The following SLIT2 variants were observed in gnomAD, a reference collection of about 807,000 sequenced individuals.
SLIT2 encodes slit homolog 2 protein.
Under a neutral mutation model 185.7 loss-of-function variants are expected in SLIT2, and 41 were observed. The observed-to-expected ratio is 0.22, with a 90% CI of 0.17 to 0.29. The LOEUF is 0.29. SLIT2 is among the 10% of genes least tolerant of loss of function. SLIT2 has a pLI of 1.00. For synonymous variants in SLIT2, 693 were observed against 680.2 expected (o/e 1.02, Z -0.29); for missense variants, 1,571 against 1,909.0 (o/e 0.82, Z 3.30).
At chr4:20,501,577 C>A (rs1718743137) in intron 9 of SLIT2, among the ~76,000 whole-genome samples, 2 of 152,194 alleles carry the variant, frequency 1.3e-5, no homozygotes, top group Non-Finnish European at 2.9e-5. Flanking sequence ...ACTCACCACA[C>A]CCGGCAGATT....
intron 4 of SLIT2, chr4:20,394,650 A>T (rs534771032): frequency 6.6e-6 from 1 of 152,058 alleles, no homozygotes; most frequent in Admixed American, 6.6e-5. Flanking sequence ...GATTGAATCA[A>T]TTGGAAGCCA....
chr4:20,507,489 A>G (rs1719319864), intron 9 of SLIT2, among the ~76,000 whole-genome samples: 1 of 151,956 alleles, frequency 6.6e-6, no homozygotes, highest in South Asian at 2.1e-4. Flanking sequence ...TGAATATAGC[A>G]TTTAAAAATA....
chr4:20,611,431 T>C (rs1176211394), intron 34 of SLIT2, among the ~76,000 whole-genome samples: 2 of 152,180 alleles, frequency 1.3e-5, no homozygotes, highest in African/African-American at 2.4e-5. Flanking sequence ...ACATAAAGGA[T>C]ATAAAGTTGA....
chr4:20,507,111 T>C (rs1719279319), intron 9 of SLIT2, among the ~76,000 whole-genome samples: 1 of 152,000 alleles, frequency 6.6e-6, no homozygotes, highest in Non-Finnish European at 1.5e-5. Context: ...GCAGCATGAC[T>C]CAAGTGTGTC....
chr4:20,535,516 G>C (rs573344138), intron 18 of SLIT2, among the ~76,000 whole-genome samples: 2 of 151,982 alleles, frequency 1.3e-5, no homozygotes, highest in Non-Finnish European at 2.9e-5. Flanking sequence ...GGAGGAAGGC[G>C]GTAGGCTGTA....
At chr4:20,282,640 T>G (rs933702094) in intron 4 of SLIT2, among the ~76,000 whole-genome samples, 12 of 152,238 alleles carry the variant, frequency 7.9e-5, no homozygotes, top group African/African-American at 2.9e-4. Context: ...TCACCTGTGG[T>G]GGCTACAGTG....
intron 4 of SLIT2, among the ~76,000 whole-genome samples, chr4:20,410,439 A>G (rs2109427003): frequency 6.7e-6 from 1 of 149,588 alleles, no homozygotes; most frequent in Middle Eastern, 3.5e-3. Flanking sequence ...TATTGTTAGT[A>G]GAGATGGGGT....
chr4:20,553,634 A>AT lies in SLIT2; in HGVS notation c.2562-164dup, dbSNP rs557233825. On this transcript the variant is annotated intron_variant, in intron 25 of 36. Coordinates refer to ENST00000504154, the MANE Select transcript of SLIT2 (RefSeq NM_004787.4). ...AAAATGGGGAATCCCCAGTGTCTCTATTTTTTTGCTAAATTGTTATCCTCA... is the reference window on the plus strand; with the variant it reads ...AAAATGGGGAATCCCCAGTGTCTCTATTTTTTTTGCTAAATTGTTATCCTCA... Among the ~76,000 whole-genome samples the AT allele has an allele frequency of 3.6e-3, 548 of 152,164 alleles. 7 individuals carry two copies. The highest frequency in any genetic ancestry group is 0.01 in the African/African-American group (424 of 41,540).
chr4:20,472,573 GATATATCTAT>G lies in SLIT2; in HGVS notation c.467+4756_467+4765del, dbSNP rs1417945071. 2.8e-4 allele frequency among the ~76,000 whole-genome samples: 4 copies of G among 14,236 alleles called. 2 individuals carry two copies. In the Admixed American group the frequency reaches 5.4e-3, roughly 19 times the overall value. 9.3% of individuals were successfully genotyped at this position (14,236 alleles called of 152,430 possible). ...ATATATAGATATATATCTATATATA[GATATATCTAT>G]ATATAGATATATATCTATAGATATA... On this transcript the variant is annotated intron_variant, in intron 5 of 36. Transcript: ENST00000504154.
chr4:20,573,843 T>G (rs1372727312), intron 29 of SLIT2, among the ~76,000 whole-genome samples: 2 of 152,106 alleles, frequency 1.3e-5, no homozygotes, highest in Non-Finnish European at 2.9e-5. Flanking sequence ...GTAGTATGTT[T>G]AAGCATAAAA....
intron 29 of SLIT2, among the ~76,000 whole-genome samples, chr4:20,589,088 A>T (rs536548088): frequency 6.6e-6 from 1 of 152,292 alleles, no homozygotes; most frequent in East Asian, 1.9e-4. Context: ...GCCAGGCATA[A>T]AAGGGTACAT....
intron 4 of SLIT2, among the ~76,000 whole-genome samples, chr4:20,333,619 G>A (rs1720247747): frequency 6.6e-6 from 1 of 152,062 alleles, no homozygotes; most frequent in Admixed American, 6.6e-5. Context: ...ACTGACAGAT[G>A]TTTCTCTATA....
At chr4:20,316,627 G>T (rs1187197224) in intron 4 of SLIT2, among the ~76,000 whole-genome samples, 1 of 151,214 alleles carries the variant, frequency 6.6e-6, no homozygotes, top group Non-Finnish European at 1.5e-5. Flanking sequence ...TGAAAGTATT[G>T]CCTTTTATTA....
intron 4 of SLIT2, among the ~76,000 whole-genome samples, chr4:20,368,219 C>CAAAAAAAAAAAAAAGAAAAAAAAAAAAGA (rs1723273594): frequency 9.3e-6 from 1 of 107,430 alleles, no homozygotes. Context: ...CACAAAATAG[C>CAAAAAAAAAAAAAAGAAAAAAAAAAAAGA]AAAAAAAAAA....
intron 4 of SLIT2, among the ~76,000 whole-genome samples, chr4:20,373,263 A>AT (rs1357554376): frequency 6.6e-6 from 1 of 152,082 alleles, no homozygotes; most frequent in Non-Finnish European, 1.5e-5. Flanking sequence ...TTTAAACTGT[A>AT]TTTTTGACTT....
intron 4 of SLIT2, among the ~76,000 whole-genome samples, chr4:20,351,971 G>T (rs1458206527): frequency 6.6e-6 from 1 of 152,042 alleles, no homozygotes; most frequent in Non-Finnish European, 1.5e-5. Flanking sequence ...TCATATTCTT[G>T]GGTTCTGTTG....
At chr4:20,475,321 T>G (rs1273140263) in intron 5 of SLIT2, among the ~76,000 whole-genome samples, 1 of 151,832 alleles carries the variant, frequency 6.6e-6, no homozygotes, top group Non-Finnish European at 1.5e-5. Flanking sequence ...TTTTGGTTTT[T>G]TTTTTTTTTT....
chr4:20,501,228 C>T (rs1718701895), intron 9 of SLIT2, among the ~76,000 whole-genome samples: 1 of 152,152 alleles, frequency 6.6e-6, no homozygotes, highest in East Asian at 1.9e-4. Flanking sequence ...CACCTCATTA[C>T]TCAGCATACA....
chr4:20,336,175 C>T (rs1720481808), intron 4 of SLIT2, among the ~76,000 whole-genome samples: 1 of 152,158 alleles, frequency 6.6e-6, no homozygotes, highest in African/African-American at 2.4e-5. Flanking sequence ...TTTCTAGCCA[C>T]CTCTTCTCCC....
Sources: allele counts gnomAD v4.1 joint callset (sites outside exome capture counted in the v4.1 genomes callset), GRCh38; gene constraint gnomAD v4.1.1; transcripts MANE v1.5; gene names NCBI Gene and HGNC (gene_info 2026-07-23, HGNC 2026-07-21).